ADAMTS12: variants seen among roughly 807,000 people sequenced by gnomAD.
ADAMTS12 encodes A disintegrin and metalloproteinase with thrombospondin motifs 12.
A neutral mutation model predicts 167.8 loss-of-function variants in ADAMTS12; 118 were observed. That is an observed-to-expected ratio of 0.70 (90% CI 0.61 to 0.82). The LOEUF (loss-of-function observed/expected upper bound fraction) is 0.82, where lower values mean the gene tolerates loss of function less well. Ranked by LOEUF, ADAMTS12 falls within the 40% of genes least tolerant of loss-of-function variation. The pLI is 0.00. For missense variants in ADAMTS12, 1,916 were observed against 1,998.8 expected (o/e 0.96, Z 0.79); for synonymous variants, 704 against 716.9 (o/e 0.98, Z 0.29).
intron 19 of ADAMTS12, among the ~76,000 whole-genome samples, chr5:33,569,746 G>A (rs918092394): frequency 6.6e-6 from 1 of 152,248 alleles, no homozygotes; most frequent in African/African-American, 2.4e-5. Flanking sequence ...GCTGGATGGA[G>A]AATGATTTTG....
At chr5:33,550,572 A>G (rs890048993) in intron 20 of ADAMTS12, among the ~76,000 whole-genome samples, 7 of 151,822 alleles carry the variant, frequency 4.6e-5, no homozygotes, top group Non-Finnish European at 7.4e-5. Flanking sequence ...TCCTTCCTCT[A>G]TTCTCTGCAT....
At chr5:33,773,473 T>A (rs2112429154) in intron 2 of ADAMTS12, among the ~76,000 whole-genome samples, 1 of 152,312 alleles carries the variant, frequency 6.6e-6, no homozygotes, top group East Asian at 1.9e-4. Flanking sequence ...GGCATGGACA[T>A]GTGTCATCTA....
At chr5:33,623,552 C>T (rs1739432683) in intron 14 of ADAMTS12, among the ~76,000 whole-genome samples, 1 of 152,138 alleles carries the variant, frequency 6.6e-6, no homozygotes, top group Non-Finnish European at 1.5e-5. Flanking sequence ...CTATCCATAG[C>T]CCAAAGCTGC....
intron 18 of ADAMTS12, among the ~76,000 whole-genome samples, chr5:33,580,674 T>C (rs769114366): frequency 3.3e-5 from 5 of 152,166 alleles, no homozygotes; most frequent in Non-Finnish European, 7.4e-5. Flanking sequence ...ATGTATTCTT[T>C]AGCCTGCTCA....
In ADAMTS12 at chr5:33,555,179, T is replaced by G. The variant is rs1745432826; in HGVS notation, c.4126-5796A>C. ...GCATCGTTTTGCTGTCAAACCCAGC[T>G]GAGGATTTTTCAAGCTCATTATTAT... On this transcript the variant is annotated intron_variant, in intron 20 of 23. Coordinates refer to ENST00000504830, the MANE Select transcript of ADAMTS12 (RefSeq NM_030955.4). 7.2e-5 allele frequency among the ~76,000 whole-genome samples: 11 copies of G among 152,294 alleles called. No homozygotes were observed. The South Asian group carries it at 2.3e-3, about 32-fold the overall frequency.
At chr5:33,801,463 TATGAC>T (rs1427604465) in intron 2 of ADAMTS12, among the ~76,000 whole-genome samples, 1 of 152,204 alleles carries the variant, frequency 6.6e-6, no homozygotes, top group African/African-American at 2.4e-5. Flanking sequence ...TGTGCTGTGA[TATGAC>T]ATGATATAAT....
chr5:33,689,252 T>C (rs997353672), intron 3 of ADAMTS12, among the ~76,000 whole-genome samples: 1 of 152,340 alleles, frequency 6.6e-6, no homozygotes, highest in East Asian at 1.9e-4. Flanking sequence ...AGAGAGATTA[T>C]AGAGTTTATT....
At chr5:33,710,607 T>C (rs1743364152) in intron 3 of ADAMTS12, among the ~76,000 whole-genome samples, 1 of 152,330 alleles carries the variant, frequency 6.6e-6, no homozygotes, top group Middle Eastern at 3.4e-3. Context: ...TGGAATTTGA[T>C]GGTGAAGACC....
intron 2 of ADAMTS12, among the ~76,000 whole-genome samples, chr5:33,835,907 A>ATCTTCTCTCTCTCTCTC (rs1748488492): frequency 1.8e-5 from 2 of 111,856 alleles, no homozygotes; most frequent in African/African-American, 8.8e-5. Flanking sequence ...GATAATATCC[A>ATCTTCTCTCTCTCTCTC]TCTCTCTCTC....
chr5:33,878,073 A>G (rs1750293717), intron 2 of ADAMTS12, among the ~76,000 whole-genome samples: 1 of 152,188 alleles, frequency 6.6e-6, no homozygotes, highest in South Asian at 2.1e-4. Context: ...ATGTAGGGCC[A>G]TACCTGGGTG....
chr5:33,874,971 C>T (rs140775092), intron 2 of ADAMTS12, among the ~76,000 whole-genome samples: 3 of 152,120 alleles, frequency 2.0e-5, no homozygotes, highest in East Asian at 1.9e-4. Flanking sequence ...GGGAGGCTGA[C>T]GCAGGACAGT....
At chr5:33,688,105 C>T (rs1742408965) in intron 3 of ADAMTS12, among the ~76,000 whole-genome samples, 2 of 152,158 alleles carry the variant, frequency 1.3e-5, no homozygotes, top group Admixed American at 1.3e-4. Context: ...CCAATCCTAA[C>T]ACCATAACAG....
rs1254778433 is a variant in ADAMTS12 at position 33,572,607 on chromosome 5, T to C, written c.3972+3447A>G. 4.5e-5 allele frequency among the ~76,000 whole-genome samples: 6 copies of C among 134,544 alleles called. No individual in the cohort carries two copies. The South Asian group carries it at 9.9e-4, about 22-fold the overall frequency. 88.3% of individuals were successfully genotyped at this position (134,544 alleles called of 152,430 possible). ...ATTGATGGGACGTATCTCAAAATAA[T>C]AAGAGCTATCTATGACAAACCCACA... On this transcript the variant is annotated intron_variant, in intron 19 of 23. Coordinates refer to ENST00000504830, the MANE Select transcript of ADAMTS12 (RefSeq NM_030955.4).
At chr5:33,734,056 T>C (rs1369482889) in intron 3 of ADAMTS12, among the ~76,000 whole-genome samples, 1 of 150,482 alleles carries the variant, frequency 6.6e-6, no homozygotes, top group Non-Finnish European at 1.5e-5. Context: ...GAGTAAGCTC[T>C]TAGCCTCAGG....
chr5:33,808,348 T>A (rs1747320313), intron 2 of ADAMTS12, among the ~76,000 whole-genome samples: 1 of 152,088 alleles, frequency 6.6e-6, no homozygotes, highest in Admixed American at 6.5e-5. Context: ...AAAATTCTGA[T>A]CTCCGTTATG....
Position 33,856,132 on chromosome 5 carries a change from A to G in ADAMTS12, c.489+24987T>C, listed in dbSNP as rs185670760. Among the ~76,000 whole-genome samples the G allele has an allele frequency of 5.2e-4, 79 of 152,336 alleles. 1 individual carries two copies. The highest frequency in any genetic ancestry group is 1.4e-3 in the Admixed American group (21 of 15,302). On this transcript the variant is annotated intron_variant, in intron 2 of 23. Transcript: ENST00000504830. The stretch of plus-strand genomic sequence containing the variant: ...ACCTGAATGATTTCGAGAAATAGAC[A>G]CAGACTTATTCTTCACCTTGAATCA...
intron 8 of ADAMTS12, 72 bp from the exon 9 acceptor site, chr5:33,649,038 A>G: frequency 6.4e-7 from 1 of 1,563,666 alleles, no homozygotes; most frequent in Non-Finnish European, 8.7e-7. Context: ...CATTCAACAG[A>G]AACTTCCCTC....
chr5:33,649,385 A>G (rs1214054710), intron 8 of ADAMTS12, among the ~76,000 whole-genome samples, 169 bp downstream of exon 8: 2 of 152,228 alleles, frequency 1.3e-5, no homozygotes, highest in African/African-American at 4.8e-5. Flanking sequence ...TCTAGACCTC[A>G]GGATCAGAAT....
At chr5:33,686,442 TC>T (rs1440697374) in intron 3 of ADAMTS12, among the ~76,000 whole-genome samples, 1 of 152,126 alleles carries the variant, frequency 6.6e-6, no homozygotes, top group African/African-American at 2.4e-5. Context: ...TTTCTCTGCT[TC>T]CCTTGGTCCT....
Sources: gnomAD v4.1 joint callset for allele counts (sites outside exome capture counted in the v4.1 genomes callset) on GRCh38, gnomAD v4.1.1 for gene constraint, MANE v1.5 for transcripts, NCBI Gene and HGNC (gene_info 2026-07-23, HGNC 2026-07-21) for gene names.